Variants in RNLS observed in about 807,000 individuals in gnomAD.
RNLS encodes the protein renalase, FAD dependent amine oxidase.
A neutral mutation model predicts 39.8 loss-of-function variants in RNLS; 39 were observed. That is an observed-to-expected ratio of 0.98 (90% CI 0.76 to 1.28). The LOEUF is 1.28. Among genes scored for constraint, RNLS ranks in the 50% most tolerant of loss-of-function variants. RNLS has a pLI of 0.00. For missense variants in RNLS, 410 were observed against 413.3 expected (o/e 0.99, Z 0.07); for synonymous variants, 147 against 150.7 (o/e 0.98, Z 0.18).
chr10:88,392,251 G>A lies in RNLS; in HGVS notation c.527-29526C>T, dbSNP rs117962856. Reference sequence around the variant, plus strand: ...AAAAGGAGAAGCTGTGGAAAGATACGTCCACAGGATGATTTGAAAAGCACA... The same window carrying A: ...AAAAGGAGAAGCTGTGGAAAGATACATCCACAGGATGATTTGAAAAGCACA... On this transcript the variant is annotated intron_variant, in intron 4 of 6. Coordinates refer to ENST00000331772, the MANE Select transcript of RNLS (RefSeq NM_001031709.3). Among the ~76,000 whole-genome samples the A allele has an allele frequency of 4.0e-4, 61 of 152,350 alleles. No homozygotes were observed. The South Asian group carries it at 4.1e-3, about 10-fold the overall frequency.
At chr10:88,471,164 T>C (rs7076491) in intron 4 of RNLS, among the ~76,000 whole-genome samples, 26,236 of 152,184 alleles carry the variant, frequency 0.17, 2,568 homozygotes, top group Admixed American at 0.27. Context: ...TGGAACAGAA[T>C]GTGCTCAGTA....
intron 4 of RNLS, among the ~76,000 whole-genome samples, chr10:88,510,686 T>C (rs1846066484): frequency 6.6e-6 from 1 of 151,696 alleles, no homozygotes; most frequent in African/African-American, 2.4e-5. Flanking sequence ...CTAATAAAAA[T>C]ATAAAAAATT....
intron 3 of RNLS, among the ~76,000 whole-genome samples, chr10:88,578,882 T>C (rs1850360443): frequency 6.6e-6 from 1 of 152,196 alleles, no homozygotes. Context: ...GGTTCTTGTA[T>C]CATTAGTACC....
At chr10:88,557,089 A>T (rs1435400088) in intron 4 of RNLS, among the ~76,000 whole-genome samples, 1 of 152,316 alleles carries the variant, frequency 6.6e-6, no homozygotes, top group Non-Finnish European at 1.5e-5. Flanking sequence ...ATAAAAGATG[A>T]CAAGTGCCAT....
intron 4 of RNLS, among the ~76,000 whole-genome samples, chr10:88,558,753 A>G (rs545816941): frequency 6.6e-6 from 1 of 152,318 alleles, no homozygotes; most frequent in Non-Finnish European, 1.5e-5. Flanking sequence ...TAAAAAGACA[A>G]GAGAATTAGG....
intron 4 of RNLS, among the ~76,000 whole-genome samples, chr10:88,530,617 A>G (rs1012173986): frequency 1.3e-5 from 2 of 152,190 alleles, no homozygotes; most frequent in African/African-American, 4.8e-5. Flanking sequence ...GTTTACAGCC[A>G]ACAGCTAATT....
intron 4 of RNLS, among the ~76,000 whole-genome samples, chr10:88,414,353 A>G (rs773163183): frequency 1.9e-4 from 29 of 152,114 alleles, no homozygotes; most frequent in Non-Finnish European, 3.4e-4. Flanking sequence ...TTATTTAAAG[A>G]CTGGTGTTAG....
intron 4 of RNLS, among the ~76,000 whole-genome samples, chr10:88,409,132 G>C (rs1471832144): frequency 1.3e-5 from 2 of 152,038 alleles, no homozygotes; most frequent in African/African-American, 4.8e-5. Flanking sequence ...ATATCCTTTA[G>C]TCATTAGTTG....
intron 6 of RNLS, among the ~76,000 whole-genome samples, chr10:88,292,882 GAA>G (rs1013079160): frequency 6.9e-6 from 1 of 145,944 alleles, no homozygotes; most frequent in African/African-American, 2.5e-5. Context: ...TCTCTACTTA[GAA>G]AAAAAAAAAT....
the RNLS span, among the ~76,000 whole-genome samples, chr10:88,186,247 C>T: frequency 3.9e-5 from 6 of 152,060 alleles, no homozygotes; most frequent in Admixed American, 2.6e-4. Flanking sequence ...GAAGAAGCTA[C>T]GTTAGAAGAC....
chr10:88,356,024 C>T (rs145898560), intron 5 of RNLS, among the ~76,000 whole-genome samples: 111 of 152,324 alleles, frequency 7.3e-4, no homozygotes, highest in African/African-American at 1.5e-3. Context: ...GATCCTTGCG[C>T]GGGATATAAT....
intron 4 of RNLS, among the ~76,000 whole-genome samples, chr10:88,468,026 C>T (rs1179904027): frequency 2.6e-5 from 4 of 152,110 alleles, no homozygotes; most frequent in Non-Finnish European, 5.9e-5. Flanking sequence ...ATATGATCTG[C>T]TTAACATTCC....
At chr10:88,196,639 GA>G in the RNLS span, among the ~76,000 whole-genome samples, 1 of 152,110 alleles carries the variant, frequency 6.6e-6, no homozygotes, top group Admixed American at 6.6e-5. Flanking sequence ...AAGCCTAGAG[GA>G]ATACATAAAG....
At chr10:88,243,086 C>T in the RNLS span, among the ~76,000 whole-genome samples, 1 of 152,336 alleles carries the variant, frequency 6.6e-6, no homozygotes, top group African/African-American at 2.4e-5. Context: ...ATAATAATAT[C>T]TGACTCTCTA....
At chr10:88,304,504 T>A (rs1844777654) in intron 6 of RNLS, among the ~76,000 whole-genome samples, 1 of 152,126 alleles carries the variant, frequency 6.6e-6, no homozygotes. Flanking sequence ...ATAACTGACC[T>A]GAAAGAGCTG....
rs191235747 is a variant in RNLS at position 88,327,791 on chromosome 10, C to T, written c.701-13150G>A. 5.6e-3 allele frequency among the ~76,000 whole-genome samples: 846 copies of T among 152,294 alleles called. 2 individuals are homozygous for T. The highest frequency in any genetic ancestry group is 9.1e-3 in the Non-Finnish European group (617 of 68,018). On this transcript the variant is annotated intron_variant, in intron 5 of 6. Coordinates refer to ENST00000331772, the MANE Select transcript of RNLS (RefSeq NM_001031709.3). ...ATGTATTTTTGTATTTTAGTAGAGA[C>T]GGAGTTTCACCATGTTGCCCAGGCT...
chr10:88,315,334 A>G (rs1254129564), intron 5 of RNLS, among the ~76,000 whole-genome samples: 3 of 152,104 alleles, frequency 2.0e-5, no homozygotes, highest in Admixed American at 2.0e-4. Context: ...TGTATCATTC[A>G]CTCCTTAGTA....
chr10:88,292,123 C>T (rs1652634635), intron 6 of RNLS, among the ~76,000 whole-genome samples: 1 of 151,818 alleles, frequency 6.6e-6, no homozygotes, highest in South Asian at 2.1e-4. Context: ...CATCTAGCTA[C>T]AGTGGTACAC....
intron 4 of RNLS, among the ~76,000 whole-genome samples, chr10:88,504,756 T>A (rs1336041154): frequency 2.6e-5 from 4 of 152,014 alleles, no homozygotes; most frequent in Non-Finnish European, 4.4e-5. Flanking sequence ...ATTTTCTCAG[T>A]AGTTTTGTTA....
Sources: gnomAD v4.1 joint callset for allele counts (sites outside exome capture counted in the v4.1 genomes callset) on GRCh38, gnomAD v4.1.1 for gene constraint, MANE v1.5 for transcripts, NCBI Gene and HGNC (gene_info 2026-07-23, HGNC 2026-07-21) for gene names.